Variants in SCRIB observed in about 807,000 individuals in gnomAD.
The protein encoded by SCRIB is protein scribble homolog.
Under a neutral mutation model 170.0 loss-of-function variants are expected in SCRIB, and 72 were observed. The observed-to-expected ratio is 0.42, with a 90% CI of 0.35 to 0.52. The LOEUF (loss-of-function observed/expected upper bound fraction) is 0.52, where lower values mean the gene tolerates loss of function less well. SCRIB is among the 20% of genes least tolerant of loss of function. SCRIB has a pLI of 0.02. For synonymous variants in SCRIB, 1,298 were observed against 1,044.3 expected (o/e 1.24, Z -4.68); for missense variants, 2,475 against 2,338.5 (o/e 1.06, Z -1.20).
chr8:143,802,615 G>A (rs1815221118), intron 24 of SCRIB, among the ~76,000 whole-genome samples: 1 of 152,250 alleles, frequency 6.6e-6, no homozygotes, highest in African/African-American at 2.4e-5. Context: ...CACTCCAGTG[G>A]GAAGCCAGCC....
chr8:143,791,022 TG>T lies in SCRIB; in HGVS notation c.*140del. The T allele has an allele frequency of 1.2e-6, 1 of 830,068 alleles. No individual in the cohort carries two copies. Among genetic ancestry groups the T allele is most frequent in the Non-Finnish European group, 1.6e-6 (1 of 607,886 alleles). The allele number at this position is 830,068 out of a possible 1,614,324, so 51.4% of individuals were successfully genotyped here. A position where few individuals can be genotyped will look rare whatever the true frequency, so the allele number is the denominator to read the frequency against. On this transcript the variant is annotated 3_prime_UTR_variant, in exon 37 of 37. Coordinates refer to ENST00000356994, the MANE Select transcript of SCRIB (RefSeq NM_182706.5). The stretch of plus-strand genomic sequence containing the variant: ...AGTCTCGCCGAGGTCTCGGCTGGGG[TG>T]GGGCAGTTAGTTAGTCACAGGCCAG...
In SCRIB at chr8:143,804,996, T is replaced by C. The variant is rs894582892; in HGVS notation, c.2689A>G (p.Ile897Val). The C allele has an allele frequency of 1.1e-5, 18 of 1,586,298 alleles. No homozygotes were observed. The highest frequency in any genetic ancestry group is 4.0e-5 in the African/African-American group (3 of 74,566). The change falls in exon 20 of 37, where the codon ATT becomes GTT. Residue 897 changes from isoleucine (I) to valine (V), a missense_variant. Coordinates refer to ENST00000356994, the MANE Select transcript of SCRIB (RefSeq NM_182706.5). ...AGDAGIFVSR[I>V]AEGGAAHRAG... is the part of the protein sequence containing the mutation. Reference sequence around the variant, plus strand: ...CGGTGAGCAGCACCGCCCTCGGCAATGCGGGAGACGAAGATGCCCTGCAGG... The same window carrying C: ...CGGTGAGCAGCACCGCCCTCGGCAACGCGGGAGACGAAGATGCCCTGCAGG...
chr8:143,807,427 G>A, intron 16 of SCRIB, 125 bp downstream of exon 16: 1 of 833,036 alleles, frequency 1.2e-6, no homozygotes, highest in Non-Finnish European at 2.1e-6. Flanking sequence ...AGCCCAGCTG[G>A]ATCTGAGAGC....
intron 18 of SCRIB, 134 bp downstream of exon 18, chr8:143,806,273 C>A: frequency 1.4e-6 from 1 of 698,572 alleles, no homozygotes; most frequent in Non-Finnish European, 2.5e-6. Context: ...CGTGGCTTCA[C>A]CCGGAAGTCT....
chr8:143,813,570 T>C (rs1231198415), intron 4 of SCRIB, 44 bp from the exon 5 acceptor site: 1 of 1,612,798 alleles, frequency 6.2e-7, no homozygotes, highest in Admixed American at 1.7e-5. Context: ...AGGAAAGCAG[T>C]GGCAGCAGGG....
At chr8:143,795,680 T>C (rs912971231) in intron 24 of SCRIB, 150 bp from the exon 25 acceptor site, 2 of 687,830 alleles carry the variant, frequency 2.9e-6, no homozygotes, top group Admixed American at 4.5e-5. Flanking sequence ...TGGGGCAGCC[T>C]TGGAGGGCAC....
intron 32 of SCRIB, 29 bp from the exon 33 acceptor site, chr8:143,792,162 TG>T: frequency 6.4e-7 from 1 of 1,557,832 alleles, no homozygotes. Context: ...AGGGGTGACT[TG>T]GGGCAGGAGC....
At chr8:143,804,220 T>C (rs1815306978) in intron 21 of SCRIB, 64 bp from the exon 22 acceptor site, 5 of 1,219,778 alleles carry the variant, frequency 4.1e-6, no homozygotes, top group African/African-American at 1.5e-5. Flanking sequence ...GTGGGAGGGC[T>C]CCCAAGAGTC....
intron 27 of SCRIB, 90 bp downstream of exon 27, chr8:143,794,948 C>T (rs1814875412): frequency 1.5e-6 from 2 of 1,328,952 alleles, no homozygotes; most frequent in South Asian, 1.3e-5. Flanking sequence ...CCAAAGGTTC[C>T]CTCCCGGATG....
At chr8:143,796,693 C>G (rs1205561741) in intron 24 of SCRIB, among the ~76,000 whole-genome samples, 1 of 152,234 alleles carries the variant, frequency 6.6e-6, no homozygotes, top group Non-Finnish European at 1.5e-5. Context: ...GACTTAGCTA[C>G]GTCTCTTTCA....
chr8:143,794,991 C>A (rs375878687), intron 27 of SCRIB, 47 bp downstream of exon 27: 109 of 1,569,222 alleles, frequency 6.9e-5, no homozygotes, highest in Non-Finnish European at 9.1e-5. Flanking sequence ...GGCCGATGAA[C>A]AGGACAACAG....
chr8:143,792,779 T>G lies in SCRIB; in HGVS notation c.4106A>C (p.Gln1369Pro), dbSNP rs970843673. ...CACGCGCTTAGGGGGGCCCTCGGCC[T>G]GGGGCACGCGCACCTCCAGCTCAAA... Reference protein sequence around the residue: ...KYFELEVRVPQAEGPPKRVSL... With the variant: ...KYFELEVRVPPAEGPPKRVSL... Residue 1369 changes from glutamine to proline, a missense_variant, in exon 30 of 37, where the codon CAG (glutamine) becomes CCG (proline). Transcript: ENST00000356994. 6.3e-7 allele frequency: 1 copy of G among 1,582,660 alleles called. No individual in the cohort carries two copies. The highest frequency in any genetic ancestry group is 8.6e-7 in the Non-Finnish European group (1 of 1,166,982).
Position 143,791,759 on chromosome 8 carries a change from G to A in SCRIB, c.4696-19C>T. 1.3e-6 allele frequency: 2 copies of A among 1,586,230 alleles called. No homozygotes were observed. The highest frequency in any genetic ancestry group is 1.7e-6 in the Non-Finnish European group (2 of 1,157,946). On this transcript the variant is annotated intron_variant, in intron 34 of 36. Transcript: ENST00000356994. ...ACAAGGGCTTGAAAGGACAGCGTGA[G>A]GGGAGAGGCAGAGAGTGAGAGGAAA... is the stretch of plus-strand genomic sequence containing the variant.
At chr8:143,814,170 G>A in intron 1 of SCRIB, 52 bp from the exon 2 acceptor site, 4 of 1,432,904 alleles carry the variant, frequency 2.8e-6, no homozygotes, top group Admixed American at 4.0e-5. Context: ...GCAGAGCAGA[G>A]AAGAGCTCCT....
In SCRIB at chr8:143,804,111, C is replaced by T. The variant is rs1815301072; in HGVS notation, c.3055G>A (p.Val1019Ile). Reference protein sequence around the residue: ...RAGGPLGLSIVGGSDHSSHPF... With the variant: ...RAGGPLGLSIIGGSDHSSHPF... ...TGGCTGGAATGGTCGGAGCCTCCGA[C>T]AATACTAAGCCCCAGAGGGCCCCCA... Residue 1019 changes from valine to isoleucine, a missense_variant, in exon 22 of 37, where the codon GTC (valine) becomes ATC (isoleucine). Val to Ile is a conservative substitution (Grantham distance 29, BLOSUM62 3). This residue lies in a region of SCRIB where 1,966 missense variants were observed against 1,742.9 expected (regional missense o/e 1.13). Coordinates refer to ENST00000356994, the MANE Select transcript of SCRIB (RefSeq NM_182706.5). The T allele has an allele frequency of 6.2e-7, 1 of 1,612,726 alleles. No individual in the cohort carries two copies. Among genetic ancestry groups the T allele is most frequent in the Non-Finnish European group, 8.5e-7 (1 of 1,179,494 alleles).
At chr8:143,806,664 A>G (rs1554636659) in intron 17 of SCRIB, among the ~76,000 whole-genome samples, 180 bp from the exon 18 acceptor site, 1 of 152,246 alleles carries the variant, frequency 6.6e-6, no homozygotes, top group East Asian at 1.9e-4. Context: ...GGAGCACGTC[A>G]GCCCCGAGAA....
At chr8:143,807,988 A>G (rs1587535961) in intron 15 of SCRIB, among the ~76,000 whole-genome samples, 1 of 152,250 alleles carries the variant, frequency 6.6e-6, no homozygotes, top group East Asian at 1.9e-4. Flanking sequence ...TGACCCATGG[A>G]GAGGAGACTT....
chr8:143,799,535 G>A lies in SCRIB; in HGVS notation c.3603+3848C>T, dbSNP rs782762513. ...CCTCATGCCAAACACGCGGGGTAGC[G>A]GGCGAGTCTCTCAGACAGCGCACAC... On this transcript the variant is annotated intron_variant, in intron 24 of 36. Coordinates refer to ENST00000356994, the MANE Select transcript of SCRIB (RefSeq NM_182706.5). 5.3e-5 allele frequency among the ~76,000 whole-genome samples: 8 copies of A among 152,316 alleles called. No homozygotes were observed. The South Asian group carries it at 6.2e-4, about 12-fold the overall frequency.
chr8:143,810,895 C>T lies in SCRIB; in HGVS notation c.1273+11G>A, dbSNP rs372387731. 1 of 1,610,880 alleles carries T rather than the reference C, an allele frequency of 6.2e-7. No individual in the cohort carries two copies. The highest frequency in any genetic ancestry group is 1.3e-5 in the African/African-American group (1 of 75,054). ...CCACCCCGCGCTAAGCACCGGTTGC[C>T]AACAACCTACCGAGGCTGGGTGGGG... is the stretch of plus-strand genomic sequence containing the variant. On this transcript the variant is annotated intron_variant, in intron 11 of 36. Transcript: ENST00000356994.
Sources: allele counts gnomAD v4.1 joint callset (sites outside exome capture counted in the v4.1 genomes callset), GRCh38; gene constraint gnomAD v4.1.1; regional missense constraint gnomAD v4.1.1; transcripts MANE v1.5; gene names NCBI Gene and HGNC (gene_info 2026-07-23, HGNC 2026-07-21).